The following SLC9D1 variants were observed in gnomAD, a reference collection of about 807,000 sequenced individuals.
SLC9D1 encodes putative LAG1-interacting protein.
At chr13:113,514,693 T>C in the SLC9D1 span, among the ~76,000 whole-genome samples, 1 of 151,194 alleles carries the variant, frequency 6.6e-6, no homozygotes, top group Non-Finnish European at 1.5e-5. Context: ...CTGATGGGAC[T>C]GAGATCGACG....
At chr13:113,518,961 A>G in the SLC9D1 span, among the ~76,000 whole-genome samples, 1 of 152,192 alleles carries the variant, frequency 6.6e-6, no homozygotes, top group East Asian at 1.9e-4. Context: ...GCTGGCATCA[A>G]GGGGTTTTGT....
the SLC9D1 span, chr13:113,534,306 A>T: frequency 7.5e-7 from 1 of 1,336,316 alleles, no homozygotes; most frequent in Non-Finnish European, 1.1e-6. Flanking sequence ...AAATCTTGTG[A>T]TCCATTCTTT....
chr13:113,514,164 T>G, the SLC9D1 span: 1 of 152,208 alleles, frequency 6.6e-6, no homozygotes, highest in Non-Finnish European at 1.5e-5. Context: ...TATGACACAT[T>G]TGACTTTGTA....
the SLC9D1 span, among the ~76,000 whole-genome samples, chr13:113,519,193 G>A: frequency 5.3e-5 from 8 of 151,992 alleles, no homozygotes; most frequent in Non-Finnish European, 7.4e-5. Context: ...GCAGGTGCCC[G>A]CCACCATGCC....
chr13:113,508,204 A>T, the SLC9D1 span, among the ~76,000 whole-genome samples: 1 of 152,220 alleles, frequency 6.6e-6, no homozygotes, highest in African/African-American at 2.4e-5. Context: ...CTCAGAGATA[A>T]CAGAGTCTCG....
the SLC9D1 span, among the ~76,000 whole-genome samples, chr13:113,522,371 C>T: frequency 2.6e-5 from 4 of 152,290 alleles, no homozygotes; most frequent in South Asian, 2.1e-4. Flanking sequence ...GACGGAGTCT[C>T]GCTCTGTCGC....
At chr13:113,524,263 G>T in the SLC9D1 span, 1 of 430,282 alleles carries the variant, frequency 2.3e-6, no homozygotes, top group Non-Finnish European at 4.6e-6. Flanking sequence ...ATGTATTTTG[G>T]GGCTCTTTTG....
At chr13:113,497,571 C>T in the SLC9D1 span, among the ~76,000 whole-genome samples, 48 of 148,678 alleles carry the variant, frequency 3.2e-4, 1 homozygote, top group Non-Finnish European at 4.3e-4. Context: ...GTGAGACCTG[C>T]AGCTGTGTGA....
At chr13:113,526,608 A>G in the SLC9D1 span, among the ~76,000 whole-genome samples, 2 of 151,784 alleles carry the variant, frequency 1.3e-5, no homozygotes, top group South Asian at 2.1e-4. Flanking sequence ...AGTCCCAGCT[A>G]CTCTGGAGGC....
the SLC9D1 span, among the ~76,000 whole-genome samples, chr13:113,502,471 CA>C: frequency 6.6e-6 from 1 of 152,152 alleles, no homozygotes; most frequent in Admixed American, 6.5e-5. Flanking sequence ...CCTCGGCCTC[CA>C]AAAGTGCTGA....
the SLC9D1 span, among the ~76,000 whole-genome samples, chr13:113,515,688 G>A: frequency 2.1e-4 from 32 of 151,884 alleles, no homozygotes; most frequent in African/African-American, 4.6e-4. Flanking sequence ...TCAGGAGATC[G>A]AGACCATCCT....
At chr13:113,537,497 C>T in the SLC9D1 span, among the ~76,000 whole-genome samples, 6 of 152,284 alleles carry the variant, frequency 3.9e-5, no homozygotes, top group Non-Finnish European at 5.9e-5. Flanking sequence ...GGCTGAAAAA[C>T]ATTCCATTCC....
At chr13:113,500,913 C>T in the SLC9D1 span, among the ~76,000 whole-genome samples, 1 of 152,188 alleles carries the variant, frequency 6.6e-6, no homozygotes, top group Non-Finnish European at 1.5e-5. Context: ...TGTCAGTGCC[C>T]TCCAAGAAGG....
At chr13:113,525,688 T>C in the SLC9D1 span, among the ~76,000 whole-genome samples, 1 of 151,558 alleles carries the variant, frequency 6.6e-6, no homozygotes, top group Admixed American at 6.6e-5. Flanking sequence ...CTGTGCCTGT[T>C]ATTCTAGAAC....
chr13:113,537,694 T>G, the SLC9D1 span, among the ~76,000 whole-genome samples: 1 of 152,354 alleles, frequency 6.6e-6, no homozygotes, highest in East Asian at 1.9e-4. Context: ...GAAGATGCTC[T>G]TTACTGTTGT....
At chr13:113,513,536 A>G in the SLC9D1 span, among the ~76,000 whole-genome samples, 1 of 152,238 alleles carries the variant, frequency 6.6e-6, no homozygotes, top group Non-Finnish European at 1.5e-5. Flanking sequence ...GTTAGAGTCA[A>G]GGACTTGGAC....
the SLC9D1 span, among the ~76,000 whole-genome samples, chr13:113,547,985 T>A: frequency 1.4e-5 from 2 of 147,336 alleles, no homozygotes; most frequent in African/African-American, 5.0e-5. Context: ...AATTTCCACC[T>A]TGAGTACCCC....
the SLC9D1 span, chr13:113,501,749 C>G: frequency 1.2e-6 from 2 of 1,606,390 alleles, no homozygotes; most frequent in Non-Finnish European, 1.7e-6. Context: ...TTTTATTCTT[C>G]AGGACATTGT....
chr13:113,544,658 C>G, the SLC9D1 span, among the ~76,000 whole-genome samples: 4 of 152,254 alleles, frequency 2.6e-5, no homozygotes, highest in Non-Finnish European at 2.9e-5. Context: ...AGTCCAAGAT[C>G]CAGGTGTCTG....
Sources: gnomAD v4.1 joint callset for allele counts (sites outside exome capture counted in the v4.1 genomes callset) on GRCh38, gnomAD v4.1.1 for gene constraint, MANE v1.5 for transcripts, NCBI Gene and HGNC (gene_info 2026-07-23, HGNC 2026-07-21) for gene names.